LRRTM4: variants seen among roughly 807,000 people sequenced by gnomAD.
LRRTM4 encodes the protein leucine-rich repeat transmembrane neuronal protein 4.
LRRTM4 carries 25 observed loss-of-function variants against 47.6 expected under a neutral mutation model. That is an observed-to-expected ratio of 0.53 (90% CI 0.38 to 0.73). LRRTM4 has a LOEUF of 0.73. LRRTM4 is among the 30% of genes least tolerant of loss of function. LRRTM4 has a pLI of 0.00. For synonymous variants in LRRTM4, 311 were observed against 269.5 expected (o/e 1.15, Z -1.51); for missense variants, 638 against 713.4 (o/e 0.89, Z 1.20).
intron 3 of LRRTM4, among the ~76,000 whole-genome samples, chr2:77,046,893 A>G (rs1679253524): frequency 6.6e-6 from 1 of 152,168 alleles, no homozygotes; most frequent in South Asian, 2.1e-4. Context: ...CTTTGGCTGG[A>G]TAAAAGAAAG....
At chr2:77,257,736 A>T (rs1442497941) in intron 3 of LRRTM4, among the ~76,000 whole-genome samples, 5 of 152,006 alleles carry the variant, frequency 3.3e-5, no homozygotes, top group African/African-American at 9.7e-5. Context: ...ACACACACAC[A>T]CACACACACA....
intron 3 of LRRTM4, among the ~76,000 whole-genome samples, chr2:76,927,750 T>C (rs887962616): frequency 2.0e-5 from 3 of 152,144 alleles, no homozygotes; most frequent in African/African-American, 4.8e-5. Flanking sequence ...TTGATATTCT[T>C]CTTAAGAAAC....
At chr2:76,764,726 G>A (rs1673390887) in intron 3 of LRRTM4, among the ~76,000 whole-genome samples, 1 of 152,176 alleles carries the variant, frequency 6.6e-6, no homozygotes, top group African/African-American at 2.4e-5. Context: ...GAATGAAGAA[G>A]ACTGCTGAAC....
At chr2:76,977,344 C>T (rs1676456146) in intron 3 of LRRTM4, among the ~76,000 whole-genome samples, 1 of 150,996 alleles carries the variant, frequency 6.6e-6, no homozygotes, top group Admixed American at 6.6e-5. Flanking sequence ...AGTTTTTGAT[C>T]AATATAAATA....
chr2:76,772,950 A>G (rs1673776411), intron 3 of LRRTM4: 1 of 152,134 alleles, frequency 6.6e-6, no homozygotes, highest in Non-Finnish European at 1.5e-5. Flanking sequence ...ATCTCATCTG[A>G]TCTCAAAAGC....
At chr2:76,973,011 A>G (rs1051089820) in intron 3 of LRRTM4, among the ~76,000 whole-genome samples, 1 of 152,092 alleles carries the variant, frequency 6.6e-6, no homozygotes, top group Non-Finnish European at 1.5e-5. Context: ...AGACTTTACC[A>G]TTTAACCAAA....
At chr2:77,322,419 T>C (rs1055377861) in intron 3 of LRRTM4, among the ~76,000 whole-genome samples, 3 of 152,164 alleles carry the variant, frequency 2.0e-5, no homozygotes, top group African/African-American at 7.2e-5. Flanking sequence ...TGTTTCAAGA[T>C]GTGATCTCAT....
intron 3 of LRRTM4, among the ~76,000 whole-genome samples, chr2:76,938,369 T>C (rs1272810229): frequency 6.7e-6 from 1 of 149,518 alleles, no homozygotes; most frequent in Non-Finnish European, 1.5e-5. Flanking sequence ...TGTATTTTCA[T>C]TTTGAAGACA....
At chr2:76,797,413 G>A (rs1675399448) in intron 3 of LRRTM4, among the ~76,000 whole-genome samples, 1 of 152,050 alleles carries the variant, frequency 6.6e-6, no homozygotes, top group Admixed American at 6.5e-5. Context: ...ACAAGCAAAT[G>A]CTGAGAGATT....
At chr2:77,030,856 A>C (rs1475610138) in intron 3 of LRRTM4, among the ~76,000 whole-genome samples, 2 of 152,188 alleles carry the variant, frequency 1.3e-5, no homozygotes, top group African/African-American at 4.8e-5. Flanking sequence ...TTCTTTTGGC[A>C]ATATTTTGAA....
At chr2:76,856,486 A>G (rs56887555) in intron 3 of LRRTM4, among the ~76,000 whole-genome samples, 1 of 152,088 alleles carries the variant, frequency 6.6e-6, no homozygotes, top group Non-Finnish European at 1.5e-5. Flanking sequence ...AAACATTATC[A>G]ATATACATAG....
At chr2:76,888,866 G>C (rs1673163182) in intron 3 of LRRTM4, among the ~76,000 whole-genome samples, 1 of 151,802 alleles carries the variant, frequency 6.6e-6, no homozygotes, top group South Asian at 2.1e-4. Flanking sequence ...AAAATATTTG[G>C]TGGCTAGCTT....
At chr2:76,788,240 A>G (rs1674784172) in intron 3 of LRRTM4, among the ~76,000 whole-genome samples, 1 of 152,202 alleles carries the variant, frequency 6.6e-6, no homozygotes, top group African/African-American at 2.4e-5. Flanking sequence ...CATAAATAGA[A>G]CAGCAATTGA....
chr2:76,973,682 C>A (rs996824571), intron 3 of LRRTM4, among the ~76,000 whole-genome samples: 1 of 151,848 alleles, frequency 6.6e-6, no homozygotes, highest in African/African-American at 2.4e-5. Flanking sequence ...GCGAATAACC[C>A]ATTTACGTAA....
chr2:77,318,448 T>C (rs1360694909), intron 3 of LRRTM4, among the ~76,000 whole-genome samples: 1 of 152,170 alleles, frequency 6.6e-6, no homozygotes, highest in Non-Finnish European at 1.5e-5. Flanking sequence ...CACAACACCT[T>C]GAAAAAGCAA....
intron 3 of LRRTM4, among the ~76,000 whole-genome samples, chr2:77,072,883 C>A (rs936319731): frequency 2.7e-5 from 4 of 150,476 alleles, no homozygotes; most frequent in Non-Finnish European, 5.9e-5. Context: ...CGGCTACTTG[C>A]GTCTGTCAGA....
intron 3 of LRRTM4, among the ~76,000 whole-genome samples, chr2:76,765,071 C>CA (rs1345788291): frequency 6.6e-6 from 1 of 152,082 alleles, no homozygotes; most frequent in Non-Finnish European, 1.5e-5. Flanking sequence ...GGAATTGAGC[C>CA]AAAAAAGATT....
chr2:77,519,986 T>A lies in LRRTM4; in HGVS notation c.5-122A>T, dbSNP rs1248633822. On this transcript the variant is annotated intron_variant, in intron 2 of 3. Transcript: ENST00000409884. The surrounding 1 kb of genome is among the most constrained non-coding windows in gnomAD (Gnocchi z 4.6). ...AATGGGACAGTTGATTTAAGGAAAA[T>A]GCATTAACATTTCGAGCATTATTTT... 7.1e-6 allele frequency: 10 copies of A among 1,403,246 alleles called. No homozygotes were observed. The East Asian group carries it at 2.5e-4, about 35-fold the overall frequency. 86.9% of individuals were successfully genotyped at this position (1,403,246 alleles called of 1,614,324 possible).
At chr2:77,283,736 C>T (rs1676569255) in intron 3 of LRRTM4, among the ~76,000 whole-genome samples, 1 of 151,992 alleles carries the variant, frequency 6.6e-6, no homozygotes, top group African/African-American at 2.4e-5. Context: ...AATCAAAATA[C>T]CGCATGTTCT....
Sources: allele counts gnomAD v4.1 joint callset (sites outside exome capture counted in the v4.1 genomes callset), GRCh38; gene constraint gnomAD v4.1.1; non-coding constraint Gnocchi (gnomAD v3.1); transcripts MANE v1.5; gene names NCBI Gene and HGNC (gene_info 2026-07-23, HGNC 2026-07-21).